MYT1: variants seen among roughly 807,000 people sequenced by gnomAD.
MYT1 encodes myelin transcription factor 1.
MYT1 carries 23 observed loss-of-function variants against 123.0 expected under a neutral mutation model. The ratio of observed to expected loss-of-function variants is 0.19; its 90% CI spans 0.13 to 0.26. The LOEUF is 0.26. Ranked by LOEUF, MYT1 falls within the 10% of genes least tolerant of loss-of-function variation. MYT1 has a pLI of 1.00. For missense variants in MYT1, 1,125 were observed against 1,472.5 expected (o/e 0.76, Z 3.86); for synonymous variants, 518 against 575.3 (o/e 0.90, Z 1.43).
In MYT1 at chr20:64,191,649, C is replaced by T. The variant is rs1205295430; in HGVS notation, c.-1+1489C>T. ...AACCTTTTTCTTTTGAATCTGGTGG[C>T]GAGAATGTACATTTTAATGGGTCTG... On this transcript the variant is annotated intron_variant, in intron 2 of 22. Coordinates refer to ENST00000328439, the MANE Select transcript of MYT1 (RefSeq NM_004535.3). The surrounding 1 kb of genome is among the most constrained non-coding windows in gnomAD (Gnocchi z 4.1). The T allele has an allele frequency of 2.0e-5, 3 of 151,984 alleles. No individual in the cohort carries two copies. The highest frequency in any genetic ancestry group is 2.9e-5 in the Non-Finnish European group (2 of 68,016). 9.4% of individuals were successfully genotyped at this position (151,984 alleles called of 1,614,324 possible).
rs1982958667 is a variant in MYT1 at position 64,191,172 on chromosome 20, G to A, written c.-1+1012G>A. ...GCAGAGATTGCTGGCAGGAGCTTAT[G>A]AAGTCTGTTGGCCTTGTTTTATTTC... On this transcript the variant is annotated intron_variant, in intron 2 of 22. Transcript: ENST00000328439. The surrounding 1 kb of genome is among the most constrained non-coding windows in gnomAD (Gnocchi z 4.1). Among the ~76,000 whole-genome samples, 1 of 152,208 alleles carries A rather than the reference G, an allele frequency of 6.6e-6. No individual in the cohort carries two copies. The highest frequency in any genetic ancestry group is 6.5e-5 in the Admixed American group (1 of 15,286).
At chr20:64,240,264 T>C (rs1984676616) in intron 22 of MYT1, 56 bp from the exon 23 acceptor site, 2 of 1,590,580 alleles carry the variant, frequency 1.3e-6, no homozygotes, top group Non-Finnish European at 1.7e-6. Context: ...CATCAGGCTC[T>C]GCGGTGTGGG....
Position 64,219,733 on chromosome 20 carries a change from C to T in MYT1, c.1992C>T (p.Asp664=), listed in dbSNP as rs776427915. 107 of 1,612,234 alleles carry T rather than the reference C, an allele frequency of 6.6e-5. No homozygotes were observed. Among genetic ancestry groups the T allele is most frequent in the Non-Finnish European group, 8.6e-5 (101 of 1,178,778 alleles). Residue 664 remains aspartate (D), a synonymous_variant, in exon 13 of 23, where the codon GAC becomes GAT. Transcript: ENST00000328439. ...LPSKSVDIEV[D]ENGTLDLSMH... ...TGCAGTCTGTGGATATCGAGGTAGA[C>T]GAAAATGGAACCCTGGACTTGAGCA...
At position 64,229,444 on chromosome 20, in the gene MYT1, TA is replaced by T. The variant is rs894348637; in HGVS notation, c.2675+1482del. Among the ~76,000 whole-genome samples the T allele has an allele frequency of 1.3e-4, 20 of 151,550 alleles. 1 individual carries two copies. The highest frequency in any genetic ancestry group is 4.2e-4 in the South Asian group (2 of 4,774). On this transcript the variant is annotated intron_variant, in intron 18 of 22. Coordinates refer to ENST00000328439, the MANE Select transcript of MYT1 (RefSeq NM_004535.3). Reference sequence around the variant, plus strand: ...TTCTAATGTGCTGTCAACTGAGCTTTAAAAAAAAACAAGAGTTCTGCAGCCG... The same window carrying T: ...TTCTAATGTGCTGTCAACTGAGCTTTAAAAAAAACAAGAGTTCTGCAGCCG...
In MYT1 at chr20:64,208,235, C is replaced by T. The variant is rs756752916; in HGVS notation, c.1039C>T (p.Arg347Cys). ...TGAGTACTCTGTTATTGTGGAGGTCCGCTCGGATGATGACAAGGACGAGGA... is the reference window on the plus strand; with the variant it reads ...TGAGTACTCTGTTATTGTGGAGGTCTGCTCGGATGATGACAAGGACGAGGA... ...KPEYSVIVEV[R>C]SDDDKDEDTH... The change falls in exon 7 of 23, where the codon CGC becomes TGC. Residue 347 changes from arginine (R) to cysteine (C), a missense_variant. By Grantham distance (180) the Arg-to-Cys change is radical. This residue lies in a region of MYT1 where 429 missense variants were observed against 604.1 expected (regional missense o/e 0.71). Coordinates refer to ENST00000328439, the MANE Select transcript of MYT1 (RefSeq NM_004535.3). This position sits in a 1 kb window ranked among gnomAD's most constrained non-coding sequence, Gnocchi z 5.4. The T allele has an allele frequency of 7.1e-5, 114 of 1,613,978 alleles. No homozygotes were observed. Among genetic ancestry groups the T allele is most frequent in the Non-Finnish European group, 8.8e-5 (104 of 1,180,040 alleles).
At chr20:64,223,612 C>T (rs1316134472) in intron 16 of MYT1, among the ~76,000 whole-genome samples, 1 of 152,072 alleles carries the variant, frequency 6.6e-6, no homozygotes, top group Non-Finnish European at 1.5e-5. Context: ...GCTGCAGGCT[C>T]CTGCGCTGCT....
intron 19 of MYT1, among the ~76,000 whole-genome samples, chr20:64,236,148 G>C (rs1478104785): frequency 1.5e-5 from 2 of 137,278 alleles, no homozygotes. Context: ...GGATGGTCGC[G>C]GTGGGTGACC....
chr20:64,222,171 C>T (rs901228096), intron 14 of MYT1, 124 bp downstream of exon 14: 4 of 1,062,318 alleles, frequency 3.8e-6, no homozygotes, highest in Non-Finnish European at 5.4e-6. Context: ...TCCTGACCAC[C>T]TCGAGCCAGG....
At chr20:64,170,800 G>T (rs897247644) in intron 1 of MYT1, among the ~76,000 whole-genome samples, 1 of 136,622 alleles carries the variant, frequency 7.3e-6, no homozygotes, top group Non-Finnish European at 1.5e-5. Context: ...AAGTGGGTTG[G>T]CTGTGAGGCA....
intron 10 of MYT1, among the ~76,000 whole-genome samples, chr20:64,214,655 C>A (rs1419436810): frequency 1.3e-5 from 2 of 152,190 alleles, no homozygotes; most frequent in African/African-American, 4.8e-5. Flanking sequence ...CCCTGCTCCC[C>A]ACTCCCGTGA....
Position 64,192,884 on chromosome 20 carries a change from T to C in MYT1, c.-1+2724T>C, listed in dbSNP as rs1251427756. ...TGTTGGATTCTACCCTGGGTGGGTATAAATTCCATTTATGCTGGAGTTTTT... is the reference window on the plus strand; with the variant it reads ...TGTTGGATTCTACCCTGGGTGGGTACAAATTCCATTTATGCTGGAGTTTTT... On this transcript the variant is annotated intron_variant, in intron 2 of 22. Transcript: ENST00000328439. This position sits in a 1 kb window ranked among gnomAD's most constrained non-coding sequence, Gnocchi z 5.3. Among the ~76,000 whole-genome samples, 1 of 152,220 alleles carries C rather than the reference T, an allele frequency of 6.6e-6. No individual in the cohort carries two copies. The highest frequency in any genetic ancestry group is 1.5e-5 in the Non-Finnish European group (1 of 68,038).
intron 13 of MYT1, among the ~76,000 whole-genome samples, chr20:64,221,688 G>C (rs931510763): frequency 1.3e-5 from 2 of 152,178 alleles, no homozygotes; most frequent in Non-Finnish European, 2.9e-5. Flanking sequence ...GCTGAAGCAG[G>C]GGAGGGATCC....
At chr20:64,207,436 A>G (rs901321395) in intron 6 of MYT1, among the ~76,000 whole-genome samples, 158 bp from the exon 7 acceptor site, 1 of 152,176 alleles carries the variant, frequency 6.6e-6, no homozygotes, top group Admixed American at 6.5e-5. Context: ...AAAGGTCCAT[A>G]CCAAATCCCC....
At chr20:64,206,714 A>G (rs1393383334) in intron 6 of MYT1, among the ~76,000 whole-genome samples, 1 of 152,184 alleles carries the variant, frequency 6.6e-6, no homozygotes. Context: ...CCCAGGTAGA[A>G]AAGACACACA....
chr20:64,223,507 C>A (rs796833694), intron 16 of MYT1, 148 bp downstream of exon 16: 48 of 871,930 alleles, frequency 5.5e-5, no homozygotes, highest in African/African-American at 2.3e-4. Context: ...GGGGCAGGGC[C>A]GTGGAGGGGC....
rs1042416220 is a variant in MYT1 at position 64,205,707 on chromosome 20, G to A, written c.304G>A (p.Ala102Thr). The A allele has an allele frequency of 1.2e-6, 2 of 1,614,218 alleles. No individual in the cohort carries two copies. Among genetic ancestry groups the A allele is most frequent in the Non-Finnish European group, 1.7e-6 (2 of 1,180,024 alleles). ...DGSEDTEVKD[A>T]SVSDESEGTL... ...CAGTGAGGACACTGAGGTGAAGGACGCCTCTGTTTCGGATGAATCGGAAGG... is the reference window on the plus strand; with the variant it reads ...CAGTGAGGACACTGAGGTGAAGGACACCTCTGTTTCGGATGAATCGGAAGG... Residue 102 changes from alanine to threonine, a missense_variant, in exon 6 of 23, where the codon GCC (alanine) becomes ACC (threonine). This residue lies in a region of MYT1 where 406 missense variants were observed against 432.2 expected (regional missense o/e 0.94). Coordinates refer to ENST00000328439, the MANE Select transcript of MYT1 (RefSeq NM_004535.3).
chr20:64,203,684 G>A lies in MYT1; in HGVS notation c.87-1351G>A, dbSNP rs949082027. Reference sequence around the variant, plus strand: ...GCTGTTGAGCCAGGGGATAGGGTAAGGCCTGGATTCTGCTGACGGTTCTCC... The same window carrying A: ...GCTGTTGAGCCAGGGGATAGGGTAAAGCCTGGATTCTGCTGACGGTTCTCC... On this transcript the variant is annotated intron_variant, in intron 4 of 22. Coordinates refer to ENST00000328439, the MANE Select transcript of MYT1 (RefSeq NM_004535.3). The surrounding 1 kb of genome is among the most constrained non-coding windows in gnomAD (Gnocchi z 5.1). 2.0e-5 allele frequency among the ~76,000 whole-genome samples: 3 copies of A among 152,194 alleles called. No homozygotes were observed. Among genetic ancestry groups the A allele is most frequent in the African/African-American group, 7.2e-5 (3 of 41,446 alleles).
intron 3 of MYT1, among the ~76,000 whole-genome samples, chr20:64,199,212 G>GGCCGCCAGCCTTCC (rs1393400417): frequency 1.3e-5 from 2 of 152,206 alleles, no homozygotes; most frequent in Non-Finnish European, 2.9e-5. Flanking sequence ...GGAAATGAGA[G>GGCCGCCAGCCTTCC]GCCGCCAGCC....
chr20:64,218,879 T>A lies in MYT1; in HGVS notation c.1847-32T>A. 1 of 1,612,786 alleles carries A rather than the reference T, an allele frequency of 6.2e-7. No individual in the cohort carries two copies. The highest frequency in any genetic ancestry group is 2.2e-5 in the East Asian group (1 of 44,880). ...CCCCCAGGCACAGCCCCTCCAGTAG[T>A]TATGTGAGGAGCACTTCATCCTCTT... On this transcript the variant is annotated intron_variant, in intron 11 of 22. Transcript: ENST00000328439. This position sits in a 1 kb window ranked among gnomAD's most constrained non-coding sequence, Gnocchi z 4.0.
Sources: allele counts gnomAD v4.1 joint callset (sites outside exome capture counted in the v4.1 genomes callset), GRCh38; gene constraint gnomAD v4.1.1; regional missense constraint gnomAD v4.1.1; non-coding constraint Gnocchi (gnomAD v3.1); transcripts MANE v1.5; gene names NCBI Gene and HGNC (gene_info 2026-07-23, HGNC 2026-07-21).